DROSHA: variants seen among roughly 807,000 people sequenced by gnomAD.
DROSHA encodes the protein drosha ribonuclease III.
In DROSHA, 56 loss-of-function variants were observed where a neutral mutation model predicts 181.9. The observed-to-expected ratio is 0.31, with a 90% CI of 0.25 to 0.38. DROSHA has a LOEUF of 0.38. Among genes scored for constraint, DROSHA ranks in the 10% least tolerant of loss-of-function variants. DROSHA has a pLI of 1.00. For missense variants in DROSHA, 1,218 were observed against 1,743.5 expected, an observed-to-expected ratio of 0.70 and a Z score of 5.37; for synonymous variants, 524 against 591.2, an observed-to-expected ratio of 0.89 and a Z score of 1.65.
At chr5:31,449,158 A>C in intron 22 of DROSHA, 123 bp downstream of exon 22, 1 of 1,272,964 alleles carries the variant, frequency 7.9e-7, no homozygotes, top group East Asian at 2.6e-5. Flanking sequence ...AAGAGTCAGT[A>C]AGCACTAGAA....
intron 20 of DROSHA, among the ~76,000 whole-genome samples, chr5:31,457,274 C>A (rs1371719633): frequency 6.6e-6 from 1 of 151,870 alleles, no homozygotes; most frequent in Non-Finnish European, 1.5e-5. Context: ...CAGGCACACA[C>A]CACCACTCCC....
intron 23 of DROSHA, among the ~76,000 whole-genome samples, chr5:31,444,909 C>T (rs1034779587): frequency 6.6e-6 from 1 of 152,112 alleles, no homozygotes. Flanking sequence ...TTCTGATAAC[C>T]TCAAAAGAGA....
chr5:31,410,862 T>C lies in DROSHA; in HGVS notation c.3551A>G (p.Asn1184Ser). The C allele has an allele frequency of 1.2e-6, 2 of 1,613,910 alleles. No homozygotes were observed. Among genetic ancestry groups the C allele is most frequent in the Non-Finnish European group, 1.7e-6 (2 of 1,179,812 alleles). The change falls in exon 31 of 36, where the codon AAT (asparagine) becomes AGT (serine). Residue 1184 changes from asparagine to serine, a missense_variant. Coordinates refer to ENST00000344624, the MANE Select transcript of DROSHA (RefSeq NM_001382508.1). ...CTCCGCTACCTTGGCCTGAGTTCTA[T>C]TATTCACCAAAGAGCTTCGCAACAA... ...LTLLRSSLVN[N>S]RTQAKVAEEL...
In DROSHA at chr5:31,444,544, C is replaced by A. The variant is rs73075717; in HGVS notation, c.2882+4003G>T. Among the ~76,000 whole-genome samples, 1,227 of 152,204 alleles carry A rather than the reference C, an allele frequency of 8.1e-3. 24 individuals are homozygous for A. Among genetic ancestry groups the A allele is most frequent in the African/African-American group, 0.028 (1,168 of 41,532 alleles). ...GGGTTCAAATGACATTATCAAAAGACAATTTACATACCAACAACTGCGGTA... is the reference window on the plus strand; with the variant it reads ...GGGTTCAAATGACATTATCAAAAGAAAATTTACATACCAACAACTGCGGTA... On this transcript the variant is annotated intron_variant, in intron 23 of 35. Coordinates refer to ENST00000344624, the MANE Select transcript of DROSHA (RefSeq NM_001382508.1).
Position 31,532,090 on chromosome 5 carries a change from A to C in DROSHA, c.-350T>G. On this transcript the variant is annotated 5_prime_UTR_variant, in exon 1 of 36. Transcript: ENST00000344624. ...CACCGCCCGCGCCTCCGGAACAGGA[A>C]ACCGAGGGAATTAAAAAGCAAACCT... 2.3e-6 allele frequency: 1 copy of C among 431,672 alleles called. No homozygotes were observed. The highest frequency in any genetic ancestry group is 5.3e-5 in the East Asian group (1 of 18,914). The allele number at this position is 431,672 out of a possible 1,614,324, so 26.7% of individuals were successfully genotyped here. A position where few individuals can be genotyped will look rare whatever the true frequency, so the allele number is the denominator to read the frequency against.
intron 21 of DROSHA, among the ~76,000 whole-genome samples, chr5:31,450,503 A>G (rs980457247): frequency 5.3e-5 from 8 of 152,242 alleles, no homozygotes; most frequent in African/African-American, 1.9e-4. Context: ...CCAGCAATAA[A>G]AAGAATGAAA....
Position 31,529,082 on chromosome 5 carries a change from C to T in DROSHA, c.-23G>A, listed in dbSNP as rs772337935. On this transcript the variant is annotated 5_prime_UTR_variant, in exon 4 of 36. It adds an upstream start codon to the 5' untranslated region. Coordinates refer to ENST00000344624, the MANE Select transcript of DROSHA (RefSeq NM_001382508.1). ...CATGATGTTCCGCCTGGATATGTCA[C>T]ATCTTCCACAGAGAATATAAGCTCT... The T allele has an allele frequency of 1.2e-6, 2 of 1,612,176 alleles. No individual in the cohort carries two copies. The highest frequency in any genetic ancestry group is 3.3e-5 in the Admixed American group (2 of 59,824).
intron 33 of DROSHA, among the ~76,000 whole-genome samples, chr5:31,407,381 T>C (rs1278332998): frequency 6.6e-6 from 1 of 152,236 alleles, no homozygotes; most frequent in Non-Finnish European, 1.5e-5. Context: ...TGCTTTCACA[T>C]CCTTTATGGA....
Position 31,526,132 on chromosome 5 carries a change from A to G in DROSHA, c.801T>C (p.Ser267=), listed in dbSNP as rs572908133. 6.2e-7 allele frequency: 1 copy of G among 1,612,232 alleles called. No individual in the cohort carries two copies. Among genetic ancestry groups the G allele is most frequent in the South Asian group, 1.1e-5 (1 of 91,004 alleles). ...DRRRQDSRYR[S]DYDRGRTPSR... ...ATGGTGTTCTCCCTCGGTCATAATC[A>G]GATCTGTACCGGCTGTCTTGTCTTC... The change falls in exon 5 of 36, where the codon TCT becomes TCC. Residue 267 remains serine (S), a synonymous_variant. Transcript: ENST00000344624.
intron 29 of DROSHA, 52 bp from the exon 30 acceptor site, chr5:31,421,429 C>CA (rs1465521789): frequency 3.6e-6 from 5 of 1,369,890 alleles, no homozygotes; most frequent in African/African-American, 1.5e-5. Context: ...TATGGATTTC[C>CA]AAAAAAACAC....
chr5:31,458,859 G>C (rs1217705839), intron 20 of DROSHA, among the ~76,000 whole-genome samples: 2 of 152,130 alleles, frequency 1.3e-5, no homozygotes, highest in Admixed American at 1.3e-4. Flanking sequence ...AAACACAAGG[G>C]GCAGAAGTAC....
chr5:31,484,062 T>C (rs1327497238), intron 15 of DROSHA, among the ~76,000 whole-genome samples: 3 of 152,074 alleles, frequency 2.0e-5, no homozygotes, highest in Admixed American at 2.0e-4. Context: ...AATAAGTAAC[T>C]GTTTGCTAGA....
chr5:31,429,243 A>C (rs1330878172), intron 27 of DROSHA, among the ~76,000 whole-genome samples: 1 of 152,132 alleles, frequency 6.6e-6, no homozygotes, highest in Non-Finnish European at 1.5e-5. Context: ...TTTATAAGTG[A>C]CCATGAGGAA....
At chr5:31,405,260 G>A (rs979674233) in intron 35 of DROSHA, among the ~76,000 whole-genome samples, 3 of 151,836 alleles carry the variant, frequency 2.0e-5, no homozygotes, top group Non-Finnish European at 2.9e-5. Context: ...CCCAGCTACT[G>A]GGGAGGCTGA....
intron 19 of DROSHA, 37 bp from the exon 20 acceptor site, chr5:31,464,380 C>T (rs1222514382): frequency 6.3e-7 from 1 of 1,583,690 alleles, no homozygotes; most frequent in South Asian, 1.1e-5. Flanking sequence ...AACACAACTG[C>T]TATAAAGCAA....
rs1047217743 is a variant in DROSHA at position 31,409,296 on chromosome 5, T to C, written c.3704A>G (p.Glu1235Gly). 6.3e-7 allele frequency: 1 copy of C among 1,589,540 alleles called. No individual in the cohort carries two copies. Among genetic ancestry groups the C allele is most frequent in the Non-Finnish European group, 8.6e-7 (1 of 1,166,936 alleles). ...IAALYIDKDL[E>G]YVHTFMNVCF... The stretch of plus-strand genomic sequence containing the variant: ...GACATTCATGAAAGTATGAACATAT[T>C]CCAAATCCTTATCAATGTACAGCGC... Residue 1235 changes from glutamate (E) to glycine (G), a missense_variant, in exon 32 of 36, where the codon GAA becomes GGA. Physicochemically the swap from Glu to Gly is moderately conservative, Grantham distance 98 (BLOSUM62 -2). Transcript: ENST00000344624. The surrounding 1 kb of genome is among the most constrained non-coding windows in gnomAD (Gnocchi z 4.0).
At position 31,444,970 on chromosome 5, in the gene DROSHA, T is replaced by C. The variant is rs147071635; in HGVS notation, c.2882+3577A>G. On this transcript the variant is annotated intron_variant, in intron 23 of 35. Coordinates refer to ENST00000344624, the MANE Select transcript of DROSHA (RefSeq NM_001382508.1). ...AAAAACCTGATATATGAAGGAGATATTGGAAAAGGAAGCCGTGTCAGCCAT... is the reference window on the plus strand; with the variant it reads ...AAAAACCTGATATATGAAGGAGATACTGGAAAAGGAAGCCGTGTCAGCCAT... Among the ~76,000 whole-genome samples, 5 of 152,352 alleles carry C rather than the reference T, an allele frequency of 3.3e-5. No individual in the cohort carries two copies. In the East Asian group the frequency reaches 9.6e-4, roughly 29 times the overall value.
intron 13 of DROSHA, chr5:31,489,132 A>G (rs955155426): frequency 3.9e-5 from 6 of 152,214 alleles, no homozygotes; most frequent in African/African-American, 1.4e-4. Flanking sequence ...CACAGCTATT[A>G]ATATTGATCT....
chr5:31,403,570 T>C (rs914339787), intron 35 of DROSHA, among the ~76,000 whole-genome samples: 14 of 152,214 alleles, frequency 9.2e-5, no homozygotes, highest in African/African-American at 3.4e-4. Context: ...TTTAAAACCA[T>C]TACTGTAATG....
Sources: allele counts gnomAD v4.1 joint callset (sites outside exome capture counted in the v4.1 genomes callset), GRCh38; gene constraint gnomAD v4.1.1; non-coding constraint Gnocchi (gnomAD v3.1); transcripts MANE v1.5; gene names NCBI Gene and HGNC (gene_info 2026-07-23, HGNC 2026-07-21).